Variants in RPA1 observed in about 807,000 individuals in gnomAD.
RPA1 encodes replication protein A 70 kDa DNA-binding subunit.
A neutral mutation model predicts 83.0 loss-of-function variants in RPA1; 49 were observed. The observed-to-expected ratio is 0.59, with a 90% CI of 0.47 to 0.75. RPA1 has a LOEUF of 0.75. Ranked by LOEUF, RPA1 falls within the 30% of genes least tolerant of loss-of-function variation. RPA1 has a pLI of 0.00. For synonymous variants in RPA1, 279 were observed against 281.8 expected (o/e 0.99, Z 0.10); for missense variants, 693 against 776.1 (o/e 0.89, Z 1.27).
intron 1 of RPA1, among the ~76,000 whole-genome samples, chr17:1,831,651 G>T (rs541254416): frequency 1.0e-3 from 149 of 149,402 alleles, no homozygotes; most frequent in African/African-American, 3.1e-3. Flanking sequence ...CAGGCTGGAG[G>T]GCAGTGGCGC....
At chr17:1,833,872 T>G (rs867649766) in intron 1 of RPA1, among the ~76,000 whole-genome samples, 1 of 151,014 alleles carries the variant, frequency 6.6e-6, no homozygotes, top group Middle Eastern at 3.2e-3. Flanking sequence ...AAAAGAATGG[T>G]TCTTCACTTT....
rs1473802939 is a variant in RPA1 at position 1,830,013 on chromosome 17, A to G, written c.-81A>G. 18 of 1,224,862 alleles carry G rather than the reference A, an allele frequency of 1.5e-5. No homozygotes were observed. The highest frequency in any genetic ancestry group is 1.7e-5 in the Non-Finnish European group (16 of 968,036). The allele number at this position is 1,224,862 out of a possible 1,614,324, so 75.9% of individuals were successfully genotyped here. ...AGCGGTGCGCGCAACTTCTCGGGCCAATAACTGCGCAGCGCGCGGGACCCG... is the reference window on the plus strand; with the variant it reads ...AGCGGTGCGCGCAACTTCTCGGGCCGATAACTGCGCAGCGCGCGGGACCCG... On this transcript the variant is annotated 5_prime_UTR_variant, in exon 1 of 17. Transcript: ENST00000254719.
intron 5 of RPA1, chr17:1,872,146 C>G (rs1016763812): frequency 7.7e-6 from 3 of 389,870 alleles, no homozygotes; most frequent in Non-Finnish European, 1.4e-5. Flanking sequence ...CAGGTTGTTG[C>G]AGGAGAAATG....
chr17:1,872,699 A>G (rs1401528682), intron 6 of RPA1, among the ~76,000 whole-genome samples, 173 bp downstream of exon 6: 2 of 148,710 alleles, frequency 1.3e-5, no homozygotes, highest in Non-Finnish European at 3.0e-5. Context: ...AAAAATAATT[A>G]AAGATTGTCT....
chr17:1,830,243 A>AGGGGGGGGGGGGG, intron 1 of RPA1, 117 bp downstream of exon 1: 1 of 253,148 alleles, frequency 4.0e-6, no homozygotes, highest in African/African-American at 2.8e-5. Context: ...AGGGGAGGAG[A>AGGGGGGGGGGGGG]TGGCGGGGGG....
chr17:1,864,074 C>A (rs2151280471), intron 5 of RPA1, among the ~76,000 whole-genome samples: 1 of 152,338 alleles, frequency 6.6e-6, no homozygotes, highest in East Asian at 1.9e-4. Flanking sequence ...TATTTGAAAT[C>A]TTCCGCTGTG....
intron 1 of RPA1, 106 bp from the exon 2 acceptor site, chr17:1,842,697 C>G (rs1314235027): frequency 4.1e-6 from 4 of 972,798 alleles, no homozygotes; most frequent in Non-Finnish European, 4.8e-6. Flanking sequence ...TGAATAGGCT[C>G]TTTTAACAAT....
At chr17:1,888,507 A>G (rs956665003) in intron 13 of RPA1, among the ~76,000 whole-genome samples, 168 bp from the exon 14 acceptor site, 2 of 152,340 alleles carry the variant, frequency 1.3e-5, no homozygotes. Flanking sequence ...TACTCGGCAC[A>G]TGTGATTTCT....
intron 16 of RPA1, among the ~76,000 whole-genome samples, chr17:1,896,375 C>T (rs1043990107): frequency 6.6e-5 from 10 of 152,228 alleles, no homozygotes; most frequent in Admixed American, 5.9e-4. Context: ...TGAGTGTAAA[C>T]GTACGAGTGG....
At position 1,875,809 on chromosome 17, in the gene RPA1, G is replaced by C. The variant is rs370241907; in HGVS notation, c.587+16G>C. On this transcript the variant is annotated intron_variant, in intron 7 of 16. Coordinates refer to ENST00000254719, the MANE Select transcript of RPA1 (RefSeq NM_002945.5). ...ACCAGTCCAAGTGAGTTGTTGCATA[G>C]AGTAAGTTCAGAGTGTACTTATGAA... 6.2e-7 allele frequency: 1 copy of C among 1,609,824 alleles called. No homozygotes were observed.
At chr17:1,853,308 G>A in intron 5 of RPA1, 119 bp downstream of exon 5, 1 of 754,948 alleles carries the variant, frequency 1.3e-6, no homozygotes, top group South Asian at 1.7e-5. Context: ...TGATTCTGAG[G>A]TCTAGGAACC....
At chr17:1,872,409 A>C (rs1338636558) in intron 5 of RPA1, 25 bp from the exon 6 acceptor site, 1 of 1,611,874 alleles carries the variant, frequency 6.2e-7, no homozygotes, top group Admixed American at 1.7e-5. Flanking sequence ...TTGCACTAAA[A>C]CGGGGTTTCC....
intron 5 of RPA1, among the ~76,000 whole-genome samples, chr17:1,868,881 C>T (rs1025415176): frequency 1.3e-5 from 2 of 152,152 alleles, no homozygotes; most frequent in Admixed American, 1.3e-4. Flanking sequence ...TTTTTGTCTG[C>T]GTATATAAGT....
At position 1,898,207 on chromosome 17, in the gene RPA1, C is replaced by G. The variant is rs1270036785; in HGVS notation, c.*1032C>G. The stretch of plus-strand genomic sequence containing the variant: ...AGTCCAAGGCATGGAGATCCTTCTT[C>G]CTAGTGTTTGCAGCCCTGAAATGCA... On this transcript the variant is annotated 3_prime_UTR_variant, in exon 17 of 17. Transcript: ENST00000254719. 1.3e-5 allele frequency: 2 copies of G among 152,190 alleles called. No individual in the cohort carries two copies. The highest frequency in any genetic ancestry group is 3.2e-3 in the Middle Eastern group (1 of 316). The allele number at this position is 152,190 out of a possible 1,614,324, so 9.4% of individuals were successfully genotyped here.
At chr17:1,836,934 T>C (rs1004028211) in intron 1 of RPA1, among the ~76,000 whole-genome samples, 3 of 151,080 alleles carry the variant, frequency 2.0e-5, no homozygotes, top group Non-Finnish European at 4.4e-5. Context: ...GCCTCCTGGG[T>C]TGAAGCGATT....
At chr17:1,858,286 G>T (rs7214234) in intron 5 of RPA1, 1 of 1,611,032 alleles carries the variant, frequency 6.2e-7, no homozygotes, top group Non-Finnish European at 8.5e-7. Context: ...TAACACGGCC[G>T]ACATGCCAAA....
At chr17:1,866,669 C>T (rs192191388) in intron 5 of RPA1, among the ~76,000 whole-genome samples, 4 of 152,096 alleles carry the variant, frequency 2.6e-5, no homozygotes, top group Non-Finnish European at 5.9e-5. Context: ...CCATGTTGGC[C>T]AGGCTGGTCT....
At position 1,889,180 on chromosome 17, in the gene RPA1, C is replaced by T. The variant is rs543697505; in HGVS notation, c.1551+329C>T. 2.0e-5 allele frequency among the ~76,000 whole-genome samples: 3 copies of T among 152,282 alleles called. No homozygotes were observed. The South Asian group carries it at 6.2e-4, about 32-fold the overall frequency. On this transcript the variant is annotated intron_variant, in intron 14 of 16. Transcript: ENST00000254719. The stretch of plus-strand genomic sequence containing the variant: ...GCCAATGCCCGTATTTAGTCACTTT[C>T]ATGTGGATAATCTATTCTCTAGCTT...
At position 1,872,455 on chromosome 17, in the gene RPA1, C is replaced by T. The variant is rs1384185104; in HGVS notation, c.383C>T (p.Ala128Val). The T allele has an allele frequency of 3.1e-6, 5 of 1,613,864 alleles. No homozygotes were observed. The highest frequency in any genetic ancestry group is 1.3e-5 in the African/African-American group (1 of 74,922). ...TCAGGACTCGGGCAGCCGCAAGTAGCTCCTCCAGCGCCAGCAGCCAGCCCA... is the reference window on the plus strand; with the variant it reads ...TCAGGACTCGGGCAGCCGCAAGTAGTTCCTCCAGCGCCAGCAGCCAGCCCA... ...YNEGLGQPQV[A>V]PPAPAASPAA... Residue 128 changes from alanine (A) to valine (V), a missense_variant, in exon 6 of 17, where the codon GCT becomes GTT. Physicochemically the swap from Ala to Val is moderately conservative, Grantham distance 64. Coordinates refer to ENST00000254719, the MANE Select transcript of RPA1 (RefSeq NM_002945.5).
Sources: allele counts gnomAD v4.1 joint callset (sites outside exome capture counted in the v4.1 genomes callset), GRCh38; gene constraint gnomAD v4.1.1; transcripts MANE v1.5; gene names NCBI Gene and HGNC (gene_info 2026-07-23, HGNC 2026-07-21).